Variants in MYCBP2 observed in about 807,000 individuals in gnomAD.
MYCBP2 encodes the protein MYC binding protein 2.
MYCBP2 carries 120 observed loss-of-function variants against 525.3 expected under a neutral mutation model. That is an observed-to-expected ratio of 0.23 (90% confidence interval 0.20 to 0.27). MYCBP2 has a LOEUF of 0.27. MYCBP2 is among the 10% of genes least tolerant of loss of function. The probability of loss-of-function intolerance (pLI) is 1.00; values close to 1 mark genes in which losing one functional copy is unlikely to be tolerated. For missense variants in MYCBP2, 4,149 were observed against 5,657.1 expected (o/e 0.73, Z 8.55); for synonymous variants, 1,894 against 1,955.8 (o/e 0.97, Z 0.83).
At position 77,056,989 on chromosome 13, in the gene MYCBP2, G is replaced by A; in HGVS notation, c.13434C>T (p.Cys4478=). The change falls in exon 79 of 83, where the codon TGC becomes TGT. Residue 4478 remains cysteine (C), a synonymous_variant. Transcript: ENST00000544440. ...TGATTTCAGATTCTTTCCATACCTTGCAAATGGGACAAGATATAAATCCAA... is the reference window on the plus strand; with the variant it reads ...TGATTTCAGATTCTTTCCATACCTTACAAATGGGACAAGATATAAATCCAA... ...ITFGFISCPI[C]KNKINHIVLK... 1 of 1,603,208 alleles carries A rather than the reference G, an allele frequency of 6.2e-7. No homozygotes were observed. The highest frequency in any genetic ancestry group is 1.1e-5 in the South Asian group (1 of 90,828).
At chr13:77,246,813 A>G (rs977423948) in intron 15 of MYCBP2, among the ~76,000 whole-genome samples, 2 of 152,210 alleles carry the variant, frequency 1.3e-5, no homozygotes, top group Admixed American at 6.5e-5. Flanking sequence ...CTGGAATGCA[A>G]CAAATGAAAA....
intron 55 of MYCBP2, among the ~76,000 whole-genome samples, chr13:77,105,222 T>A (rs982014566): frequency 2.6e-5 from 4 of 151,990 alleles, no homozygotes; most frequent in Non-Finnish European, 5.9e-5. Flanking sequence ...ACCATCTTAA[T>A]TGGAAGCACA....
Position 77,174,394 on chromosome 13 carries a change from C to T in MYCBP2, c.5568G>A (p.Val1856=). The change falls in exon 37 of 83, where the codon GTG becomes GTA. Residue 1856 remains valine, a synonymous_variant. Transcript: ENST00000544440. ...AGCTGCACGTGCTGAATGTGAATGT[C>T]ACACCATCAGGGCACTGAACTGTGG... ...GMTTVQCPDG[V]TFTFSTCSLS... is the part of the protein sequence containing the mutation. 1 of 1,614,110 alleles carries T rather than the reference C, an allele frequency of 6.2e-7. No homozygotes were observed. The highest frequency in any genetic ancestry group is 8.5e-7 in the Non-Finnish European group (1 of 1,180,008).
chr13:77,117,414 A>G lies in MYCBP2; in HGVS notation c.8140+3959T>C, dbSNP rs145655803. 3.7e-3 allele frequency among the ~76,000 whole-genome samples: 562 copies of G among 152,222 alleles called. 2 individuals are homozygous for G. The highest frequency in any genetic ancestry group is 6.0e-3 in the Non-Finnish European group (407 of 67,946). Reference sequence around the variant, plus strand: ...CCCTTTACCTAAGGTGGATAAAGTAATGAATAATATCATTTGCTAGCTACA... The same window carrying G: ...CCCTTTACCTAAGGTGGATAAAGTAGTGAATAATATCATTTGCTAGCTACA... On this transcript the variant is annotated intron_variant, in intron 55 of 82. Transcript: ENST00000544440.
chr13:77,049,573 T>C (rs1229396372), intron 82 of MYCBP2, among the ~76,000 whole-genome samples: 1 of 152,128 alleles, frequency 6.6e-6, no homozygotes, highest in African/African-American at 2.4e-5. Context: ...TATGTAAATA[T>C]AAACAAATAT....
chr13:77,258,711 G>A (rs9544441), intron 13 of MYCBP2, among the ~76,000 whole-genome samples: 69,078 of 151,786 alleles, frequency 0.46, 19,675 homozygotes, highest in Non-Finnish European at 0.64. Flanking sequence ...GTAAGGGTGT[G>A]TGTATATATA....
At chr13:77,220,760 A>G (rs1182386217) in intron 20 of MYCBP2, among the ~76,000 whole-genome samples, 1 of 152,176 alleles carries the variant, frequency 6.6e-6, no homozygotes, top group African/African-American at 2.4e-5. Flanking sequence ...AATTAATAAC[A>G]GAGTTCTTGG....
At chr13:77,110,738 G>T (rs1007596918) in intron 55 of MYCBP2, among the ~76,000 whole-genome samples, 3 of 152,006 alleles carry the variant, frequency 2.0e-5, no homozygotes, top group East Asian at 3.9e-4. Context: ...TTTTTTCTCA[G>T]ACTGGCCAAT....
chr13:77,278,652 A>G (rs1354659084), intron 4 of MYCBP2, 106 bp downstream of exon 4: 2 of 1,021,108 alleles, frequency 2.0e-6, no homozygotes, highest in Non-Finnish European at 2.6e-6. Context: ...CATTTTCTGT[A>G]GTGAGAACTT....
At chr13:77,076,719 G>GAAATAAATATCCTTAGAATAC (rs1566411307) in intron 68 of MYCBP2, 32 bp downstream of exon 68, 1 of 1,308,486 alleles carries the variant, frequency 7.6e-7, no homozygotes, top group Non-Finnish European at 1.1e-6. Context: ...ATAAAAAAGG[G>GAAATAAATATCCTTAGAATAC]AAATAAATAT....
chr13:77,325,202 A>G (rs992260483), intron 1 of MYCBP2, among the ~76,000 whole-genome samples: 1 of 152,248 alleles, frequency 6.6e-6, no homozygotes, highest in African/African-American at 2.4e-5. Flanking sequence ...ATAAGCTACA[A>G]ATACCTGACT....
chr13:77,324,038 AC>A (rs2082007775), intron 1 of MYCBP2, among the ~76,000 whole-genome samples: 1 of 151,656 alleles, frequency 6.6e-6, no homozygotes, highest in Non-Finnish European at 1.5e-5. Flanking sequence ...ATCCCACCCA[AC>A]CTCCTATACT....
Position 77,097,854 on chromosome 13 carries a change from A to G in MYCBP2, c.9300T>C (p.Phe3100=), listed in dbSNP as rs2046481702. 1 of 1,613,532 alleles carries G rather than the reference A, an allele frequency of 6.2e-7. No individual in the cohort carries two copies. The highest frequency in any genetic ancestry group is 8.5e-7 in the Non-Finnish European group (1 of 1,179,800). The part of the protein sequence containing the change: ...SLEISSALNM[F]NIAPHGPDIS... The stretch of plus-strand genomic sequence containing the variant: ...TATCTGGTCCATGGGGTGCAATATT[A>G]AACATATTCAGTGCAGATGATATTT... The change falls in exon 56 of 83, where the codon TTT becomes TTC. Residue 3100 remains phenylalanine (F), a synonymous_variant. Transcript: ENST00000544440.
intron 65 of MYCBP2, among the ~76,000 whole-genome samples, chr13:77,079,882 C>G (rs1353464644): frequency 6.6e-6 from 1 of 152,018 alleles, no homozygotes; most frequent in East Asian, 1.9e-4. Context: ...ATAGAGGAAG[C>G]CTGTTAAAAG....
At chr13:77,306,799 G>C (rs2079482310) in intron 1 of MYCBP2, among the ~76,000 whole-genome samples, 1 of 152,134 alleles carries the variant, frequency 6.6e-6, no homozygotes, top group Admixed American at 6.6e-5. Flanking sequence ...TAAGAACACA[G>C]AGATACAAGG....
At chr13:77,097,319 G>A (rs748545731) in intron 56 of MYCBP2, 51 bp downstream of exon 56, 5 of 1,534,704 alleles carry the variant, frequency 3.3e-6, no homozygotes, top group Non-Finnish European at 4.4e-6. Flanking sequence ...AAAGTGATCT[G>A]GTTCATTAAA....
intron 57 of MYCBP2, 78 bp from the exon 58 acceptor site, chr13:77,095,680 T>G (rs2046129525): frequency 6.7e-7 from 1 of 1,495,680 alleles, no homozygotes; most frequent in Admixed American, 2.2e-5. Context: ...GTATTTTGAG[T>G]TTCCAATAAA....
intron 52 of MYCBP2, among the ~76,000 whole-genome samples, chr13:77,131,789 T>C (rs1018044456): frequency 3.3e-5 from 5 of 152,048 alleles, no homozygotes; most frequent in African/African-American, 1.2e-4. Flanking sequence ...GTCAAGAAAA[T>C]TAGAAAATTA....
intron 6 of MYCBP2, 106 bp from the exon 7 acceptor site, chr13:77,270,169 G>T (rs1039909672): frequency 7.0e-7 from 1 of 1,431,642 alleles, no homozygotes; most frequent in African/African-American, 1.4e-5. Context: ...TTCAATTATG[G>T]TTTTCAAATA....
Sources: allele counts gnomAD v4.1 joint callset (sites outside exome capture counted in the v4.1 genomes callset), GRCh38; gene constraint gnomAD v4.1.1; transcripts MANE v1.5; gene names NCBI Gene and HGNC (gene_info 2026-07-23, HGNC 2026-07-21).